ZNF618: variants seen among roughly 807,000 people sequenced by gnomAD.
The protein encoded by ZNF618 is neural precursor cell expressed, developmentally down-regulated 10.
In ZNF618, 34 loss-of-function variants were observed where a neutral mutation model predicts 103.0. The ratio of observed to expected loss-of-function variants is 0.33; its 90% CI spans 0.25 to 0.44. The LOEUF is 0.44. Ranked by LOEUF, ZNF618 falls within the 20% of genes least tolerant of loss-of-function variation. The pLI is 1.00. For missense variants in ZNF618, 1,059 were observed against 1,295.4 expected (o/e 0.82, Z 2.80); for synonymous variants, 551 against 542.2 (o/e 1.02, Z -0.23).
chr9:114,056,052 G>C lies in ZNF618; in HGVS notation c.*5885G>C, dbSNP rs975928335. ...GATGTTGTGTGCGGTCTCCTGTATCGGTGTGGATCCAACAGCTCTCCAGGG... is the reference window on the plus strand; with the variant it reads ...GATGTTGTGTGCGGTCTCCTGTATCCGTGTGGATCCAACAGCTCTCCAGGG... On this transcript the variant is annotated 3_prime_UTR_variant, in exon 15 of 15. Coordinates refer to ENST00000374126, the MANE Select transcript of ZNF618 (RefSeq NM_001318042.2). 1 of 152,118 alleles carries C rather than the reference G, an allele frequency of 6.6e-6. No homozygotes were observed. The highest frequency in any genetic ancestry group is 1.9e-4 in the East Asian group (1 of 5,158). 9.4% of individuals were successfully genotyped at this position (152,118 alleles called of 1,614,324 possible).
At chr9:113,935,285 A>T (rs922606632) in intron 1 of ZNF618, among the ~76,000 whole-genome samples, 2 of 152,144 alleles carry the variant, frequency 1.3e-5, no homozygotes, top group African/African-American at 4.8e-5. Context: ...ACTTTACATC[A>T]TGGCCAGCTG....
At chr9:113,951,891 A>T (rs1056362327) in intron 1 of ZNF618, among the ~76,000 whole-genome samples, 6 of 152,034 alleles carry the variant, frequency 3.9e-5, no homozygotes, top group Non-Finnish European at 7.4e-5. Context: ...TCAAGTTGCC[A>T]CCGCAAAGCC....
intron 2 of ZNF618, among the ~76,000 whole-genome samples, chr9:113,982,431 A>G (rs555694188): frequency 6.6e-6 from 1 of 152,078 alleles, no homozygotes; most frequent in Admixed American, 6.5e-5. Context: ...TCTCCTCTGT[A>G]ACTTCTCTTC....
chr9:113,880,044 C>T (rs1828371493), intron 1 of ZNF618, among the ~76,000 whole-genome samples: 1 of 152,116 alleles, frequency 6.6e-6, no homozygotes, highest in Non-Finnish European at 1.5e-5. Context: ...TAAAACTCCT[C>T]CAGTGTCAGA....
chr9:113,946,398 C>CAAA (rs58064458), intron 1 of ZNF618, among the ~76,000 whole-genome samples: 1 of 114,880 alleles, frequency 8.7e-6, no homozygotes, highest in Admixed American at 8.4e-5. Flanking sequence ...GGGAAGTCTT[C>CAAA]AAAAAAAAAA....
intron 1 of ZNF618, among the ~76,000 whole-genome samples, chr9:113,899,804 G>C (rs539437497): frequency 6.6e-6 from 1 of 152,138 alleles, no homozygotes; most frequent in Non-Finnish European, 1.5e-5. Context: ...CACATGGCAG[G>C]TTCCCTCTTT....
In ZNF618 at chr9:113,876,310, T is replaced by C; in HGVS notation, c.-71T>C. The C allele has an allele frequency of 1.0e-6, 1 of 978,662 alleles. No individual in the cohort carries two copies. Among genetic ancestry groups the C allele is most frequent in the Non-Finnish European group, 1.2e-6 (1 of 804,622 alleles). The allele number at this position is 978,662 out of a possible 1,614,324, so 60.6% of individuals were successfully genotyped here. ...GGCGGCGGCGGCGGCGGCGGCGGCA[T>C]TGTGCGCGCACCAGCAGCCCGGCCC... On this transcript the variant is annotated 5_prime_UTR_variant, in exon 1 of 15. Coordinates refer to ENST00000374126, the MANE Select transcript of ZNF618 (RefSeq NM_001318042.2).
chr9:113,951,563 ATGTGTGTGTGTATATGTG>A lies in ZNF618; in HGVS notation c.34-17542_34-17525del, dbSNP rs1240279723. ...CATATGTACACATATGTGTGTGTAT[ATGTGTGTGTGTATATGTG>A]TGTGTGTGTGTGTGTGTATATATAT... On this transcript the variant is annotated intron_variant, in intron 1 of 14. Coordinates refer to ENST00000374126, the MANE Select transcript of ZNF618 (RefSeq NM_001318042.2). Among the ~76,000 whole-genome samples the A allele has an allele frequency of 2.5e-4, 9 of 36,210 alleles. 3 individuals are homozygous for A. The highest frequency in any genetic ancestry group is 3.2e-4 in the Non-Finnish European group (5 of 15,858). 23.8% of individuals were successfully genotyped at this position (36,210 alleles called of 152,430 possible). A position where few individuals can be genotyped will look rare whatever the true frequency, so the allele number is the denominator to read the frequency against.
At chr9:113,942,271 A>G (rs962171097) in intron 1 of ZNF618, among the ~76,000 whole-genome samples, 1 of 150,902 alleles carries the variant, frequency 6.6e-6, no homozygotes, top group Non-Finnish European at 1.5e-5. Context: ...TAAATTTCAC[A>G]CAGAGGAGTG....
intron 1 of ZNF618, among the ~76,000 whole-genome samples, chr9:113,890,949 C>G (rs761006364): frequency 6.6e-6 from 1 of 152,044 alleles, no homozygotes; most frequent in Non-Finnish European, 1.5e-5. Flanking sequence ...TTTTCTCTTG[C>G]GGTGTTTGTC....
At chr9:113,953,454 A>G (rs1835958382) in intron 1 of ZNF618, among the ~76,000 whole-genome samples, 1 of 152,230 alleles carries the variant, frequency 6.6e-6, no homozygotes. Flanking sequence ...GTATCATTCA[A>G]TTTTGAGCCA....
chr9:113,940,896 A>G (rs1041510968), intron 1 of ZNF618, among the ~76,000 whole-genome samples: 1 of 152,096 alleles, frequency 6.6e-6, no homozygotes, highest in Non-Finnish European at 1.5e-5. Context: ...GAGAATTTAT[A>G]TATCGTTCAT....
chr9:114,002,109 C>T (rs550849255), intron 5 of ZNF618, 36 bp downstream of exon 5: 35 of 1,582,986 alleles, frequency 2.2e-5, no homozygotes, highest in Middle Eastern at 3.3e-4. Flanking sequence ...GCCCAGGGGC[C>T]GCACCTCCCA....
chr9:114,047,068 A>G lies in ZNF618; in HGVS notation c.1247-825A>G, dbSNP rs76812841. Among the ~76,000 whole-genome samples the G allele has an allele frequency of 6.0e-3, 919 of 152,376 alleles. 10 individuals carry two copies. The highest frequency in any genetic ancestry group is 0.021 in the African/African-American group (886 of 41,594). On this transcript the variant is annotated intron_variant, in intron 13 of 14. Coordinates refer to ENST00000374126, the MANE Select transcript of ZNF618 (RefSeq NM_001318042.2). The stretch of plus-strand genomic sequence containing the variant: ...GTATATGATAGAAGTGCATGTGGCC[A>G]TGGGTAGTGACAAGAATGTGACTCA...
Position 114,032,709 on chromosome 9 carries a change from C to T in ZNF618, c.1149C>T (p.Ser383=). 6.2e-7 allele frequency: 1 copy of T among 1,614,060 alleles called. No homozygotes were observed. The highest frequency in any genetic ancestry group is 2.2e-5 in the East Asian group (1 of 44,882). Residue 383 remains serine (S), a synonymous_variant, in exon 12 of 15, where the codon AGC becomes AGT. Coordinates refer to ENST00000374126, the MANE Select transcript of ZNF618 (RefSeq NM_001318042.2). ...KAQNHFEETN[S]SSQNSSEPYT... The stretch of plus-strand genomic sequence containing the variant: ...AAAACCACTTTGAAGAGACGAACAG[C>T]AGTTCGCAGAACTCCAGCGGTGAGT...
chr9:114,030,111 A>AT (rs1455976200), intron 11 of ZNF618, among the ~76,000 whole-genome samples: 2 of 152,222 alleles, frequency 1.3e-5, no homozygotes, highest in African/African-American at 2.4e-5. Context: ...CACTTGGTTC[A>AT]TTCGGTGACT....
chr9:114,041,428 C>T (rs1396809116), intron 13 of ZNF618, among the ~76,000 whole-genome samples: 2 of 152,148 alleles, frequency 1.3e-5, no homozygotes, highest in East Asian at 3.8e-4. Flanking sequence ...AATGGTATTG[C>T]CTAGGTTTCC....
At chr9:114,034,867 A>G (rs1465431106) in intron 12 of ZNF618, among the ~76,000 whole-genome samples, 1 of 152,182 alleles carries the variant, frequency 6.6e-6, no homozygotes, top group Non-Finnish European at 1.5e-5. Context: ...TCCTGAAGTG[A>G]GCTGCCATGC....
intron 1 of ZNF618, among the ~76,000 whole-genome samples, chr9:113,955,907 G>C (rs1245995511): frequency 1.3e-5 from 2 of 152,078 alleles, no homozygotes; most frequent in Non-Finnish European, 2.9e-5. Flanking sequence ...GAAGAAGGGT[G>C]CTTTGGGGGT....
Sources: allele counts gnomAD v4.1 joint callset (sites outside exome capture counted in the v4.1 genomes callset), GRCh38; gene constraint gnomAD v4.1.1; transcripts MANE v1.5; gene names NCBI Gene and HGNC (gene_info 2026-07-23, HGNC 2026-07-21).